The following PCDHA4 variants were observed in gnomAD, a reference collection of about 807,000 sequenced individuals.
PCDHA4 encodes protocadherin alpha 4.
Under a neutral mutation model 61.4 loss-of-function variants are expected in PCDHA4, and 49 were observed. The ratio of observed to expected loss-of-function variants is 0.80; its 90% CI spans 0.63 to 1.01. The LOEUF (loss-of-function observed/expected upper bound fraction) is 1.01, where lower values mean the gene tolerates loss of function less well. PCDHA4 is among the 50% of genes least tolerant of loss of function. The pLI is 0.00. For synonymous variants in PCDHA4, 590 were observed against 550.3 expected (o/e 1.07, Z -1.01); for missense variants, 1,254 against 1,235.8 (o/e 1.01, Z -0.22).
intron 1 of PCDHA4, among the ~76,000 whole-genome samples, chr5:140,934,524 G>A (rs181182103): frequency 4.4e-4 from 67 of 152,192 alleles, no homozygotes; most frequent in Admixed American, 3.1e-3. Context: ...ACCACACTTC[G>A]AGAGCTACCG....
chr5:140,941,467 C>G (rs1290341607), intron 1 of PCDHA4, among the ~76,000 whole-genome samples: 4 of 151,456 alleles, frequency 2.6e-5, no homozygotes, highest in Non-Finnish European at 5.9e-5. Context: ...AGGCGCCCAC[C>G]ACCACGCCTG....
At chr5:140,862,919 T>C (rs782169280) in intron 1 of PCDHA4, 73 of 546,740 alleles carry the variant, frequency 1.3e-4, no homozygotes, top group Non-Finnish European at 2.4e-4. Flanking sequence ...GCGCCTTGGG[T>C]GGGCTGGCGG....
At chr5:140,912,674 A>G (rs184432134) in intron 1 of PCDHA4, among the ~76,000 whole-genome samples, 14 of 152,238 alleles carry the variant, frequency 9.2e-5, no homozygotes, top group Admixed American at 7.2e-4. Flanking sequence ...GGCATCCTTG[A>G]CTTATTCCAG....
intron 3 of PCDHA4, among the ~76,000 whole-genome samples, chr5:141,002,090 A>AGG (rs782223041): frequency 1.3e-5 from 2 of 152,254 alleles, no homozygotes; most frequent in Non-Finnish European, 2.9e-5. Flanking sequence ...CGAGCAGTCC[A>AGG]GGGGCTGGGC....
chr5:140,857,295 G>A, intron 1 of PCDHA4: 1 of 1,598,726 alleles, frequency 6.3e-7, no homozygotes, highest in Non-Finnish European at 8.6e-7. Flanking sequence ...GACCGCGAGA[G>A]GGTGTCGGCC....
intron 1 of PCDHA4, chr5:140,967,578 C>T (rs868970551): frequency 1.9e-6 from 3 of 1,614,000 alleles, no homozygotes; most frequent in Non-Finnish European, 2.5e-6. Flanking sequence ...GAGGACTCAC[C>T]CCCAGGCACA....
rs1422050863 is a variant in PCDHA4 at position 140,908,165 on chromosome 5, G to A, written c.2386-70784G>A. ...GTATGTCCTAGGAAGGGGCTGTAGT[G>A]CTGCAGCTGTCCACTTTCAGGTGGT... On this transcript the variant is annotated intron_variant, in intron 1 of 3. Coordinates refer to ENST00000530339, the MANE Select transcript of PCDHA4 (RefSeq NM_018907.4). 2.6e-5 allele frequency among the ~76,000 whole-genome samples: 4 copies of A among 152,222 alleles called. 1 individual carries two copies. The highest frequency in any genetic ancestry group is 5.9e-5 in the Non-Finnish European group (4 of 68,046).
intron 3 of PCDHA4, among the ~76,000 whole-genome samples, chr5:140,994,044 G>C (rs782758789): frequency 9.9e-5 from 15 of 152,240 alleles, no homozygotes; most frequent in Middle Eastern, 3.4e-3. Flanking sequence ...ATATAACACA[G>C]TCCTGCCCTT....
chr5:140,996,453 C>A (rs1289648745), intron 3 of PCDHA4, among the ~76,000 whole-genome samples: 2 of 152,160 alleles, frequency 1.3e-5, no homozygotes, highest in African/African-American at 4.8e-5. Flanking sequence ...AGTTGTGGTG[C>A]TAAGGGAGGA....
intron 1 of PCDHA4, chr5:140,823,400 C>A (rs2150125536): frequency 1.2e-5 from 20 of 1,612,960 alleles, no homozygotes; most frequent in Non-Finnish European, 1.4e-5. Flanking sequence ...GCGGGCGTGC[C>A]GCCTCTGGGC....
chr5:140,823,547 C>T (rs1218932812), intron 1 of PCDHA4: 3 of 1,613,724 alleles, frequency 1.9e-6, no homozygotes, highest in Non-Finnish European at 2.5e-6. Context: ...CACGTGGTGG[C>T]GAAGGTGCGC....
Position 140,969,579 on chromosome 5 carries a change from G to A in PCDHA4, c.2386-9370G>A, listed in dbSNP as rs373969836. Reference sequence around the variant, plus strand: ...TCCATAAAATTGTTTGAGAAGTGAGGATTAGTCTTAATATTTAATGCTAAA... The same window carrying A: ...TCCATAAAATTGTTTGAGAAGTGAGAATTAGTCTTAATATTTAATGCTAAA... On this transcript the variant is annotated intron_variant, in intron 1 of 3. Coordinates refer to ENST00000530339, the MANE Select transcript of PCDHA4 (RefSeq NM_018907.4). 1,666 of 951,704 alleles carry A rather than the reference G, an allele frequency of 1.8e-3. 9 individuals carry two copies. The Middle Eastern group carries it at 0.019, about 11-fold the overall frequency. 59.0% of individuals were successfully genotyped at this position (951,704 alleles called of 1,614,324 possible). A position where few individuals can be genotyped will look rare whatever the true frequency, so the allele number is the denominator to read the frequency against.
In PCDHA4 at chr5:140,834,484, C is replaced by T. The variant is rs2150219400; in HGVS notation, c.2385+24912C>T. 6.2e-6 allele frequency: 10 copies of T among 1,614,154 alleles called. No homozygotes were observed. The Admixed American group carries it at 8.3e-5, about 13-fold the overall frequency. On this transcript the variant is annotated intron_variant, in intron 1 of 3. Transcript: ENST00000530339. Reference sequence around the variant, plus strand: ...GCAGGGAGAGGCCAGCTCCACTACTCGGTCCCCGAGGAGGCTAAACATGGC... The same window carrying T: ...GCAGGGAGAGGCCAGCTCCACTACTTGGTCCCCGAGGAGGCTAAACATGGC...
At chr5:140,848,275 T>G in intron 1 of PCDHA4, 2 of 545,056 alleles carry the variant, frequency 3.7e-6, no homozygotes, top group Non-Finnish European at 3.2e-6. Flanking sequence ...TCATGAAATA[T>G]GTACTTACAC....
chr5:140,973,812 G>A (rs897592585), intron 1 of PCDHA4, among the ~76,000 whole-genome samples: 10 of 152,236 alleles, frequency 6.6e-5, no homozygotes, highest in Admixed American at 6.5e-4. Context: ...TGACAGAATA[G>A]CAAAGTCAGT....
chr5:140,982,014 C>G lies in PCDHA4; in HGVS notation c.2445-461C>G, dbSNP rs546904836. Among the ~76,000 whole-genome samples the G allele has an allele frequency of 3.3e-5, 5 of 152,270 alleles. No individual in the cohort carries two copies. The South Asian group carries it at 1.0e-3, about 32-fold the overall frequency. ...ATAAGGTTAAGAATTAATTAGATAG[C>G]CAAATTGGAACAATACTCCAATTAT... is the stretch of plus-strand genomic sequence containing the variant. On this transcript the variant is annotated intron_variant, in intron 2 of 3. Coordinates refer to ENST00000530339, the MANE Select transcript of PCDHA4 (RefSeq NM_018907.4).
At chr5:140,876,906 G>C (rs782762108) in intron 1 of PCDHA4, 10 of 1,613,910 alleles carry the variant, frequency 6.2e-6, no homozygotes, top group Middle Eastern at 3.3e-4. Flanking sequence ...TCACGGTGTC[G>C]GCATGGGACG....
chr5:140,861,627 T>C, intron 1 of PCDHA4: 1 of 322,548 alleles, frequency 3.1e-6, no homozygotes, highest in South Asian at 3.1e-5. Flanking sequence ...GCCAGTGTTC[T>C]CAGCAACACA....
chr5:140,892,058 T>C (rs1417540713), intron 1 of PCDHA4, among the ~76,000 whole-genome samples: 3 of 152,248 alleles, frequency 2.0e-5, no homozygotes, highest in African/African-American at 4.8e-5. Context: ...TCAAATTTAT[T>C]GTTACTTTGT....
Sources: gnomAD v4.1 joint callset for allele counts (sites outside exome capture counted in the v4.1 genomes callset) on GRCh38, gnomAD v4.1.1 for gene constraint, MANE v1.5 for transcripts, NCBI Gene and HGNC (gene_info 2026-07-23, HGNC 2026-07-21) for gene names.